Variants in RINT1 observed in about 807,000 individuals in gnomAD.
The protein encoded by RINT1 is RAD50 interactor 1, also known as RAD50-interacting protein 1.
Under a neutral mutation model 97.7 loss-of-function variants are expected in RINT1, and 75 were observed. The observed-to-expected ratio is 0.77, with a 90% confidence interval of 0.64 to 0.93. The LOEUF (loss-of-function observed/expected upper bound fraction) is 0.93, where lower values mean the gene tolerates loss of function less well. Ranked by LOEUF, RINT1 falls within the 40% of genes least tolerant of loss-of-function variation. The probability of loss-of-function intolerance (pLI) is 0.00; values close to 1 mark genes in which losing one functional copy is unlikely to be tolerated. For synonymous variants in RINT1, 303 were observed against 326.3 expected (o/e 0.93, Z 0.77); for missense variants, 892 against 925.2 (o/e 0.96, Z 0.47).
At chr7:105,566,737 C>A (rs1207524344) in intron 14 of RINT1, 1 of 153,218 alleles carries the variant, frequency 6.5e-6, no homozygotes, top group Non-Finnish European at 1.5e-5. Context: ...TTACACGTTT[C>A]ATAGGACTGT....
intron 3 of RINT1, among the ~76,000 whole-genome samples, chr7:105,538,371 C>A (rs1484351490): frequency 6.6e-6 from 1 of 152,150 alleles, no homozygotes; most frequent in South Asian, 2.1e-4. Flanking sequence ...TTTTGGTCAT[C>A]GTATATTCTC....
intron 11 of RINT1, among the ~76,000 whole-genome samples, chr7:105,561,645 T>A (rs550384220): frequency 8.1e-4 from 124 of 152,310 alleles, no homozygotes; most frequent in African/African-American, 2.9e-3. Flanking sequence ...TACTGCAAAC[T>A]CTGCCTCCTG....
In RINT1 at chr7:105,567,155, C is replaced by G. The variant is rs200305797; in HGVS notation, c.2223C>G (p.Val741=). ...KEACIVLNLN[V]GSALLLKDVL... Reference sequence around the variant, plus strand: ...CCTGTATTGTTTTGAATTTGAACGTCGGTTCTGCACTACTGCTGAAAGATG... The same window carrying G: ...CCTGTATTGTTTTGAATTTGAACGTGGGTTCTGCACTACTGCTGAAAGATG... Residue 741 remains valine, a synonymous_variant, in exon 15 of 15, where the codon GTC becomes GTG. Coordinates refer to ENST00000257700, the MANE Select transcript of RINT1 (RefSeq NM_021930.6). 1.3e-6 allele frequency: 2 copies of G among 1,584,928 alleles called. No individual in the cohort carries two copies. Among genetic ancestry groups the G allele is most frequent in the Non-Finnish European group, 1.7e-6 (2 of 1,169,994 alleles).
chr7:105,536,148 A>G (rs1270683211), intron 2 of RINT1, among the ~76,000 whole-genome samples: 1 of 151,776 alleles, frequency 6.6e-6, no homozygotes, highest in Non-Finnish European at 1.5e-5. Context: ...GCTGGAGTGC[A>G]GTGGCGCTTT....
intron 11 of RINT1, among the ~76,000 whole-genome samples, chr7:105,561,765 T>C (rs1791451000): frequency 6.6e-6 from 1 of 152,044 alleles, no homozygotes; most frequent in African/African-American, 2.4e-5. Context: ...TTTCACTATG[T>C]TGGCCAGGCT....
At chr7:105,532,438 G>C (rs1790072457) in intron 1 of RINT1, 81 bp downstream of exon 1, 2 of 1,459,146 alleles carry the variant, frequency 1.4e-6, no homozygotes, top group Admixed American at 3.9e-5. Context: ...AGATAGTCCC[G>C]GTGCGGTGGC....
chr7:105,533,136 C>G (rs895541531), intron 2 of RINT1, among the ~76,000 whole-genome samples: 2 of 152,176 alleles, frequency 1.3e-5, no homozygotes, highest in African/African-American at 4.8e-5. Flanking sequence ...GCCTATCATA[C>G]AGTACTCAGA....
In RINT1 at chr7:105,555,087, G is replaced by T; in HGVS notation, c.1531G>T (p.Asp511Tyr). ...GCTTCAGTTCCTGGAGTTACAGAAGGACTTAGTAGATGATTTTAGGATACG... is the reference window on the plus strand; with the variant it reads ...GCTTCAGTTCCTGGAGTTACAGAAGTACTTAGTAGATGATTTTAGGATACG... ...RKLQFLELQK[D>Y]LVDDFRIRLT... is the part of the protein sequence containing the mutation. The change falls in exon 11 of 15, where the codon GAC becomes TAC. Residue 511 changes from aspartate (D) to tyrosine (Y), a missense_variant. Coordinates refer to ENST00000257700, the MANE Select transcript of RINT1 (RefSeq NM_021930.6). 6.2e-7 allele frequency: 1 copy of T among 1,613,966 alleles called. No individual in the cohort carries two copies. The highest frequency in any genetic ancestry group is 8.5e-7 in the Non-Finnish European group (1 of 1,179,998).
Position 105,550,316 on chromosome 7 carries a change from T to C in RINT1, c.1163T>C (p.Ile388Thr), listed in dbSNP as rs749707534. 1.5e-5 allele frequency: 24 copies of C among 1,614,050 alleles called. No individual in the cohort carries two copies. The South Asian group carries it at 2.3e-4, about 16-fold the overall frequency. Residue 388 changes from isoleucine to threonine, a missense_variant, in exon 9 of 15, where the codon ATT becomes ACT. Physicochemically the swap from Ile to Thr is moderately conservative, Grantham distance 89. Transcript: ENST00000257700. ...GTTCTTGAGAAGTTAGCCACTGATA[T>C]TCCTTGTCTGCTATATGATGACAAT... ...MLVLEKLATD[I>T]PCLLYDDNLF...
chr7:105,547,577 G>T (rs916717639), intron 6 of RINT1, among the ~76,000 whole-genome samples: 7 of 152,100 alleles, frequency 4.6e-5, no homozygotes, highest in African/African-American at 1.7e-4. Context: ...GCACAAAAAG[G>T]TCTCTTGGGG....
intron 11 of RINT1, among the ~76,000 whole-genome samples, chr7:105,558,334 G>A (rs1044577669): frequency 7.3e-5 from 11 of 151,104 alleles, no homozygotes; most frequent in Admixed American, 4.0e-4. Flanking sequence ...TAGCATACAT[G>A]CATTCATTTT....
At chr7:105,545,031 C>G (rs946291480) in intron 4 of RINT1, among the ~76,000 whole-genome samples, 1 of 151,878 alleles carries the variant, frequency 6.6e-6, no homozygotes, top group Non-Finnish European at 1.5e-5. Context: ...TACATTAGCT[C>G]TGTTTCTTGG....
intron 12 of RINT1, among the ~76,000 whole-genome samples, 175 bp downstream of exon 12, chr7:105,564,122 C>T (rs1466320750): frequency 6.6e-6 from 1 of 152,066 alleles, no homozygotes; most frequent in Non-Finnish European, 1.5e-5. Flanking sequence ...CAGTCCTACT[C>T]TGTCACCCAG....
At chr7:105,550,682 A>G (rs1297192933) in intron 9 of RINT1, among the ~76,000 whole-genome samples, 196 bp downstream of exon 9, 1 of 152,040 alleles carries the variant, frequency 6.6e-6, no homozygotes, top group Non-Finnish European at 1.5e-5. Flanking sequence ...ATTACACTCT[A>G]CATATTTCTA....
chr7:105,541,217 A>G (rs1018981790), intron 3 of RINT1, among the ~76,000 whole-genome samples: 12 of 151,310 alleles, frequency 7.9e-5, no homozygotes, highest in African/African-American at 2.7e-4. Flanking sequence ...GTCTCAGCTC[A>G]CTGCAACCTC....
intron 10 of RINT1, among the ~76,000 whole-genome samples, chr7:105,554,368 T>C (rs1340632248): frequency 6.6e-6 from 1 of 151,998 alleles, no homozygotes; most frequent in Non-Finnish European, 1.5e-5. Flanking sequence ...TATCTTTTAA[T>C]TTATTGAAGT....
In RINT1 at chr7:105,565,611, TC is replaced by T. The variant is rs1377539690; in HGVS notation, c.2150del (p.Ser717PhefsTer14). 3 of 1,613,552 alleles carry T rather than the reference TC, an allele frequency of 1.9e-6. No homozygotes were observed. The highest frequency in any genetic ancestry group is 2.5e-6 in the Non-Finnish European group (3 of 1,179,630). On this transcript the variant is annotated frameshift_variant, in exon 14 of 15. Coordinates refer to ENST00000257700, the MANE Select transcript of RINT1 (RefSeq NM_021930.6). LOFTEE classifies it high-confidence loss of function. ...DMTRNLFPLF[S>X]HYCKRPENYF... ...GACTCGGAATCTTTTCCCTTTGTTT[TC>T]TCACTATTGCAAGAGACCAGAAAAT...
At chr7:105,543,543 A>G (rs1297432005) in intron 4 of RINT1, among the ~76,000 whole-genome samples, 1 of 152,174 alleles carries the variant, frequency 6.6e-6, no homozygotes. Flanking sequence ...CACCTAGATT[A>G]GTAGATGATA....
intron 7 of RINT1, 121 bp downstream of exon 7, chr7:105,548,831 C>T (rs1790799211): frequency 5.6e-6 from 5 of 893,538 alleles, no homozygotes; most frequent in South Asian, 5.2e-5. Context: ...TTCTAAAGGG[C>T]TACATTCCTG....
Sources: allele counts gnomAD v4.1 joint callset (sites outside exome capture counted in the v4.1 genomes callset), GRCh38; gene constraint gnomAD v4.1.1; transcripts MANE v1.5; gene names NCBI Gene and HGNC (gene_info 2026-07-23, HGNC 2026-07-21).